N4BP2L1: variants seen among roughly 807,000 people sequenced by gnomAD.
N4BP2L1 encodes NEDD4 binding protein 2 like 1, also known as NEDD4-binding protein 2-like 1.
Under a neutral mutation model 21.2 loss-of-function variants are expected in N4BP2L1, and 12 were observed. The ratio of observed to expected loss-of-function variants is 0.57; its 90% CI spans 0.36 to 0.92. The LOEUF is 0.92. Among genes scored for constraint, N4BP2L1 ranks in the 40% least tolerant of loss-of-function variants. N4BP2L1 has a pLI of 0.01. For synonymous variants in N4BP2L1, 104 were observed against 112.8 expected (o/e 0.92, Z 0.49); for missense variants, 259 against 310.6 (o/e 0.83, Z 1.25).
intron 1 of N4BP2L1, among the ~76,000 whole-genome samples, chr13:32,426,323 CTTGG>C (rs1465459585): frequency 6.6e-6 from 1 of 152,182 alleles, no homozygotes; most frequent in Non-Finnish European, 1.5e-5. Context: ...TCAGAAGATA[CTTGG>C]TTGGTAACAG....
rs80249163 is a variant in N4BP2L1, at chr13:32,404,433, T to C, written c.397-36A>G. 1,074 of 1,442,352 alleles carry C rather than the reference T, an allele frequency of 7.4e-4. 7 individuals carry two copies. In the African/African-American group the frequency reaches 0.014, roughly 18 times the overall value. 89.3% of individuals were successfully genotyped at this position (1,442,352 alleles called of 1,614,324 possible). ...AAAAGTACATAAAACATTGAAGACA[T>C]AGTATGTATGTTTGGGAATGTTTAT... On this transcript the variant is annotated intron_variant, in intron 3 of 4. Coordinates refer to ENST00000380130, the MANE Select transcript of N4BP2L1 (RefSeq NM_052818.3).
At chr13:32,405,747 C>T (rs7320990) in intron 3 of N4BP2L1, among the ~76,000 whole-genome samples, 6,016 of 152,154 alleles carry the variant, frequency 0.04, 373 homozygotes, top group African/African-American at 0.14. Context: ...TAGAGAAAAG[C>T]ACACCTGTAA....
At chr13:32,415,085 A>ATATC (rs1465535401) in intron 1 of N4BP2L1, among the ~76,000 whole-genome samples, 2 of 152,342 alleles carry the variant, frequency 1.3e-5, no homozygotes, top group African/African-American at 2.4e-5. Context: ...TAAAATGTCT[A>ATATC]TATCTTGTGT....
At chr13:32,421,925 G>T (rs907507454) in intron 1 of N4BP2L1, among the ~76,000 whole-genome samples, 1 of 152,106 alleles carries the variant, frequency 6.6e-6, no homozygotes, top group Non-Finnish European at 1.5e-5. Flanking sequence ...GTAGGGGAAG[G>T]TTCATGAAAC....
rs2137704347 is a variant in N4BP2L1 at position 32,402,987 on chromosome 13, A to G, written c.687T>C (p.Asn229=). 1 of 1,613,850 alleles carries G rather than the reference A, an allele frequency of 6.2e-7. No individual in the cohort carries two copies. The highest frequency in any genetic ancestry group is 1.3e-5 in the African/African-American group (1 of 75,024). ...PNRRAHGGFT[N]ESSYHRRGGC... ...CGCCCCTTCTGTGATAGGAGCTCTC[A>G]TTTGTAAATCCACCGTGGGCCCTCC... The change falls in exon 5 of 5, where the codon AAT becomes AAC. Residue 229 remains asparagine, a synonymous_variant. Coordinates refer to ENST00000380130, the MANE Select transcript of N4BP2L1 (RefSeq NM_052818.3).
At chr13:32,424,832 A>G (rs1034464129) in intron 1 of N4BP2L1, 4 of 152,248 alleles carry the variant, frequency 2.6e-5, no homozygotes, top group African/African-American at 9.6e-5. Context: ...GAATTTAAAT[A>G]GATGTTTTTC....
At chr13:32,425,515 C>T (rs962716620) in intron 1 of N4BP2L1, 2 of 151,650 alleles carry the variant, frequency 1.3e-5, no homozygotes. Context: ...GGAGCAGTAA[C>T]TAACACCTCT....
intron 1 of N4BP2L1, among the ~76,000 whole-genome samples, chr13:32,424,555 T>A (rs1160444058): frequency 1.3e-5 from 2 of 152,208 alleles, no homozygotes; most frequent in African/African-American, 4.8e-5. Flanking sequence ...CTAAAGGTCT[T>A]ATAAGTACTC....
At chr13:32,419,001 G>A (rs2074302814) in intron 1 of N4BP2L1, among the ~76,000 whole-genome samples, 1 of 152,184 alleles carries the variant, frequency 6.6e-6, no homozygotes, top group African/African-American at 2.4e-5. Flanking sequence ...GGACTTTTGA[G>A]TTAATGCTGG....
chr13:32,421,732 C>T (rs1263525842), intron 1 of N4BP2L1, among the ~76,000 whole-genome samples: 2 of 152,160 alleles, frequency 1.3e-5, no homozygotes, highest in Non-Finnish European at 2.9e-5. Context: ...ACAGCCTTCT[C>T]CCCAAGCCAT....
chr13:32,420,441 A>G (rs1027884975), intron 1 of N4BP2L1: 1 of 152,170 alleles, frequency 6.6e-6, no homozygotes, highest in Non-Finnish European at 1.5e-5. Flanking sequence ...CAGAAGAGTA[A>G]CTGTACAGGA....
In N4BP2L1 at chr13:32,402,840, T is replaced by C; in HGVS notation, c.*102A>G. ...GCTCAGAAACTTTTGAGTTCAGCTA[T>C]TTACACTGGAATTGGAGCTCTGACT... On this transcript the variant is annotated 3_prime_UTR_variant, in exon 5 of 5. Coordinates refer to ENST00000380130, the MANE Select transcript of N4BP2L1 (RefSeq NM_052818.3). 6.8e-7 allele frequency: 1 copy of C among 1,481,478 alleles called. No homozygotes were observed. Among genetic ancestry groups the C allele is most frequent in the Non-Finnish European group, 9.0e-7 (1 of 1,115,322 alleles). 91.8% of individuals were successfully genotyped at this position (1,481,478 alleles called of 1,614,324 possible).
intron 1 of N4BP2L1, among the ~76,000 whole-genome samples, chr13:32,409,412 G>GTTTA (rs2073719914): frequency 6.6e-6 from 1 of 152,216 alleles, no homozygotes; most frequent in African/African-American, 2.4e-5. Context: ...ACAGGAATCT[G>GTTTA]ACAGTCTCCC....
chr13:32,400,750 C>T lies in N4BP2L1; in HGVS notation c.*2192G>A, dbSNP rs1410687025. The T allele has an allele frequency of 1.3e-5, 2 of 152,170 alleles. No individual in the cohort carries two copies. Among genetic ancestry groups the T allele is most frequent in the African/African-American group, 4.8e-5 (2 of 41,430 alleles). 9.4% of individuals were successfully genotyped at this position (152,170 alleles called of 1,614,324 possible). The stretch of plus-strand genomic sequence containing the variant: ...ATGGTAAAAATTTGTGTTATTTATT[C>T]AGCAATCATTTAATGAGACCCTATT... On this transcript the variant is annotated 3_prime_UTR_variant, in exon 5 of 5. Transcript: ENST00000380130.
At chr13:32,405,073 A>C (rs1236131642) in intron 3 of N4BP2L1, among the ~76,000 whole-genome samples, 1 of 152,216 alleles carries the variant, frequency 6.6e-6, no homozygotes, top group Non-Finnish European at 1.5e-5. Context: ...GAAAGAGCTA[A>C]GCAAAAAGGT....
chr13:32,420,143 CT>C (rs1168445028), intron 1 of N4BP2L1, among the ~76,000 whole-genome samples: 1 of 152,248 alleles, frequency 6.6e-6, no homozygotes, highest in Non-Finnish European at 1.5e-5. Context: ...ACCTTTACCC[CT>C]CATACCTCCA....
intron 1 of N4BP2L1, among the ~76,000 whole-genome samples, chr13:32,421,685 C>T (rs1481802880): frequency 6.6e-6 from 1 of 152,186 alleles, no homozygotes; most frequent in Non-Finnish European, 1.5e-5. Context: ...TTCCCCATTT[C>T]TCCCTTCCCC....
chr13:32,406,017 C>A (rs1033402010), intron 3 of N4BP2L1, among the ~76,000 whole-genome samples: 2 of 150,772 alleles, frequency 1.3e-5, no homozygotes, highest in Non-Finnish European at 2.9e-5. Context: ...ATTCTCCTGC[C>A]TCAGACTCCC....
intron 3 of N4BP2L1, 50 bp from the exon 4 acceptor site, chr13:32,404,447 G>T: frequency 7.4e-7 from 1 of 1,353,900 alleles, no homozygotes; most frequent in South Asian, 1.2e-5. Context: ...ATGTATGTTT[G>T]GGAATGTTTA....
Sources: gnomAD v4.1 joint callset for allele counts (sites outside exome capture counted in the v4.1 genomes callset) on GRCh38, gnomAD v4.1.1 for gene constraint, MANE v1.5 for transcripts, NCBI Gene and HGNC (gene_info 2026-07-23, HGNC 2026-07-21) for gene names.